TP73: variants seen among roughly 807,000 people sequenced by gnomAD.
TP73 encodes p53-like transcription factor.
In TP73, 25 loss-of-function variants were observed where a neutral mutation model predicts 62.5. The observed-to-expected ratio is 0.40, with a 90% CI of 0.29 to 0.56. The LOEUF (loss-of-function observed/expected upper bound fraction) is 0.56. Among genes scored for constraint, TP73 ranks in the 20% least tolerant of loss-of-function variants. The pLI is 0.46. For missense variants in TP73, 754 were observed against 913.3 expected, an observed-to-expected ratio of 0.83 and a Z score of 2.25; for synonymous variants, 423 against 377.5, an observed-to-expected ratio of 1.12 and a Z score of -1.40.
At chr1:3,698,718 G>T (rs765434217) in intron 3 of TP73, among the ~76,000 whole-genome samples, 3 of 152,184 alleles carry the variant, frequency 2.0e-5, no homozygotes, top group Admixed American at 1.3e-4. Context: ...CACAGTGGGC[G>T]GCTCAAATGT....
In TP73 at chr1:3,729,933, G is replaced by A. The variant is rs1358908749; in HGVS notation, c.1197-67G>A. ...CATTCGCAGCATGGGGGCATCACGG[G>A]CATGGGTGGTCGGTGGGCACGAGGC... On this transcript the variant is annotated intron_variant, in intron 10 of 13. Transcript: ENST00000378295. 5 of 1,509,200 alleles carry A rather than the reference G, an allele frequency of 3.3e-6. No homozygotes were observed. In the Admixed American group the frequency reaches 8.2e-5, roughly 25 times the overall value. 93.5% of individuals were successfully genotyped at this position (1,509,200 alleles called of 1,614,324 possible).
At position 3,666,586 on chromosome 1, in the gene TP73, C is replaced by T. The variant is rs1325837875; in HGVS notation, c.-34+13945C>T. Among the ~76,000 whole-genome samples, 1 of 152,108 alleles carries T rather than the reference C, an allele frequency of 6.6e-6. No homozygotes were observed. Among genetic ancestry groups the T allele is most frequent in the Non-Finnish European group, 1.5e-5 (1 of 68,024 alleles). On this transcript the variant is annotated intron_variant, in intron 1 of 13. Transcript: ENST00000378295. This position sits in a 1 kb window ranked among gnomAD's most constrained non-coding sequence, Gnocchi z 6.4. ...GTGGGCGGGGGGCTTTTAATGGTCC[C>T]TCTGCTGGCTCCCTCCCCACCACCT...
intron 3 of TP73, chr1:3,690,826 T>A: frequency 1.3e-6 from 2 of 1,543,480 alleles, no homozygotes; most frequent in African/African-American, 2.7e-5. Flanking sequence ...CCGTGACCCT[T>A]CCCCTCGGGC....
chr1:3,719,113 AC>A (rs1329876732), intron 4 of TP73, among the ~76,000 whole-genome samples: 2 of 151,706 alleles, frequency 1.3e-5, no homozygotes, highest in Admixed American at 1.3e-4. Context: ...GACCTGAGCC[AC>A]CCCGGCCGGG....
intron 3 of TP73, among the ~76,000 whole-genome samples, chr1:3,693,757 C>T (rs1261001781): frequency 2.1e-5 from 3 of 141,166 alleles, no homozygotes; most frequent in Non-Finnish European, 3.1e-5. Flanking sequence ...CTCCTCCTCC[C>T]ACAATCCCAC....
chr1:3,684,468 G>A (rs1011945631), intron 3 of TP73, among the ~76,000 whole-genome samples: 10 of 152,120 alleles, frequency 6.6e-5, no homozygotes, highest in Non-Finnish European at 1.2e-4. Flanking sequence ...TTGCCCCTGC[G>A]CACGACTGAC....
At position 3,666,948 on chromosome 1, in the gene TP73, A is replaced by T. The variant is rs1013713059; in HGVS notation, c.-34+14307A>T. On this transcript the variant is annotated intron_variant, in intron 1 of 13. Coordinates refer to ENST00000378295, the MANE Select transcript of TP73 (RefSeq NM_005427.4). This position sits in a 1 kb window ranked among gnomAD's most constrained non-coding sequence, Gnocchi z 6.4. ...CCGTGTCTATGTTATTTCCCATGGC[A>T]AAGGGGACCGTGATTCAGCTATTTT... Among the ~76,000 whole-genome samples the T allele has an allele frequency of 1.3e-5, 2 of 152,164 alleles. No homozygotes were observed. Among genetic ancestry groups the T allele is most frequent in the African/African-American group, 4.8e-5 (2 of 41,444 alleles).
At chr1:3,654,297 CG>C (rs1463156578) in intron 1 of TP73, among the ~76,000 whole-genome samples, 2 of 152,096 alleles carry the variant, frequency 1.3e-5, no homozygotes, top group Non-Finnish European at 2.9e-5. Context: ...TGTCTATGCG[CG>C]GCGGCCACCA....
At chr1:3,707,490 C>T (rs965548804) in intron 3 of TP73, 59 bp from the exon 4 acceptor site, 53 of 1,564,762 alleles carry the variant, frequency 3.4e-5, no homozygotes, top group East Asian at 1.1e-4. Flanking sequence ...ACCTCCTAGA[C>T]GGGACAGGAC....
intron 1 of TP73, among the ~76,000 whole-genome samples, chr1:3,655,244 G>A (rs184663689): frequency 1.2e-4 from 18 of 152,260 alleles, no homozygotes; most frequent in South Asian, 4.1e-4. Context: ...AAAATTAGCC[G>A]GGGGTGGTGT....
chr1:3,690,398 G>A (rs1473778902), intron 3 of TP73, among the ~76,000 whole-genome samples: 1 of 152,210 alleles, frequency 6.6e-6, no homozygotes, highest in Admixed American at 6.5e-5. Context: ...TGCCTACCAT[G>A]ATCTCCAGGG....
chr1:3,683,183 G>A lies in TP73; in HGVS notation c.186+3G>A. 1 of 1,599,630 alleles carries A rather than the reference G, an allele frequency of 6.3e-7. No homozygotes were observed. The highest frequency in any genetic ancestry group is 8.5e-7 in the Non-Finnish European group (1 of 1,172,756). On this transcript the variant is annotated splice_donor_region_variant and intron_variant, in intron 3 of 13. Transcript: ENST00000378295. ...AGGGCATGACTACATCTGTCATGGTGAGTGGGGGGGCTGCCCTCTGCAAGA... is the reference window on the plus strand; with the variant it reads ...AGGGCATGACTACATCTGTCATGGTAAGTGGGGGGGCTGCCCTCTGCAAGA...
chr1:3,707,933 A>G (rs1639812511), intron 4 of TP73, 142 bp downstream of exon 4: 2 of 1,369,000 alleles, frequency 1.5e-6, no homozygotes, highest in Non-Finnish European at 2.0e-6. Flanking sequence ...CAGGAGGAGC[A>G]TCGGGCAGGA....
At position 3,663,707 on chromosome 1, in the gene TP73, A is replaced by AAAAAAG. The variant is rs796255658; in HGVS notation, c.-34+11069_-34+11070insAAGAAA. 2.8e-4 allele frequency among the ~76,000 whole-genome samples: 42 copies of AAAAAAG among 148,886 alleles called. No homozygotes were observed. Among genetic ancestry groups the AAAAAAG allele is most frequent in the Middle Eastern group, 3.5e-3 (1 of 288 alleles). On this transcript the variant is annotated intron_variant, in intron 1 of 13. Transcript: ENST00000378295. The surrounding 1 kb of genome is among the most constrained non-coding windows in gnomAD (Gnocchi z 4.7). ...CGAGACTCCATCTCAAAAAAAAAAA[A>AAAAAAG]AAAGAAAGAAAGAAAGGATACAGAC...
Position 3,682,389 on chromosome 1 carries a change from C to A in TP73, c.24C>A (p.Ser8=). The change falls in exon 2 of 14, where the codon TCC becomes TCA. Residue 8 remains serine (S), a synonymous_variant. Coordinates refer to ENST00000378295, the MANE Select transcript of TP73 (RefSeq NM_005427.4). ...AGATGGCCCAGTCCACCGCCACCTC[C>A]CCTGATGGGGGCACCACGTTTGAGC... The part of the protein sequence containing the change: MAQSTAT[S]PDGGTTFEHL... The A allele has an allele frequency of 6.4e-7, 1 of 1,563,860 alleles. No homozygotes were observed. The highest frequency in any genetic ancestry group is 8.7e-7 in the Non-Finnish European group (1 of 1,151,744).
chr1:3,665,571 T>C (rs553448875), intron 1 of TP73, among the ~76,000 whole-genome samples: 29 of 152,248 alleles, frequency 1.9e-4, no homozygotes, highest in Admixed American at 8.5e-4. Flanking sequence ...CCGGAAGGAC[T>C]TGATATGAGT....
chr1:3,727,997 G>A lies in TP73; in HGVS notation c.986-132G>A, dbSNP rs977831834. Reference sequence around the variant, plus strand: ...GCACCGCAGGTTTGCCCGTCCCTGTGGGTTGCTCACCACCGGACCCACCTG... The same window carrying A: ...GCACCGCAGGTTTGCCCGTCCCTGTAGGTTGCTCACCACCGGACCCACCTG... On this transcript the variant is annotated intron_variant, in intron 8 of 13. Transcript: ENST00000378295. 21 of 1,190,172 alleles carry A rather than the reference G, an allele frequency of 1.8e-5. No homozygotes were observed. The Admixed American group carries it at 3.8e-4, about 21-fold the overall frequency. 73.7% of individuals were successfully genotyped at this position (1,190,172 alleles called of 1,614,324 possible).
chr1:3,689,184 G>A (rs559951187), intron 3 of TP73, among the ~76,000 whole-genome samples: 1 of 152,098 alleles, frequency 6.6e-6, no homozygotes, highest in African/African-American at 2.4e-5. Flanking sequence ...CCTAGTGCTC[G>A]CCCTGGGCTC....
intron 9 of TP73, among the ~76,000 whole-genome samples, 155 bp from the exon 10 acceptor site, chr1:3,729,172 G>A (rs1225334404): frequency 6.6e-6 from 1 of 151,820 alleles, no homozygotes; most frequent in Non-Finnish European, 1.5e-5. Flanking sequence ...TTGGGAAGAG[G>A]AAAGAAGATC....
Sources: gnomAD v4.1 joint callset for allele counts (sites outside exome capture counted in the v4.1 genomes callset) on GRCh38, gnomAD v4.1.1 for gene constraint, Gnocchi (gnomAD v3.1) non-coding constraint, MANE v1.5 for transcripts, NCBI Gene and HGNC (gene_info 2026-07-23, HGNC 2026-07-21) for gene names.